CLEC17A: variants seen among roughly 807,000 people sequenced by gnomAD.
CLEC17A encodes the protein C-type lectin domain family 17, member A.
CLEC17A carries 37 observed loss-of-function variants against 61.3 expected under a neutral mutation model. The ratio of observed to expected loss-of-function variants is 0.60; its 90% CI spans 0.46 to 0.79. The LOEUF is 0.79. Ranked by LOEUF, CLEC17A falls within the 30% of genes least tolerant of loss-of-function variation. CLEC17A has a pLI of 0.00. For missense variants in CLEC17A, 418 were observed against 464.7 expected (o/e 0.90, Z 0.92); for synonymous variants, 168 against 164.9 (o/e 1.02, Z -0.14).
intron 10 of CLEC17A, among the ~76,000 whole-genome samples, chr19:14,599,495 A>G (rs1221190681): frequency 6.6e-6 from 1 of 151,904 alleles, no homozygotes; most frequent in Non-Finnish European, 1.5e-5. Flanking sequence ...GGTGCCCACC[A>G]CCCCTACTTT....
At chr19:14,595,465 G>A (rs1385497452) in intron 8 of CLEC17A, 150 bp downstream of exon 8, 2 of 787,388 alleles carry the variant, frequency 2.5e-6, no homozygotes, top group Admixed American at 5.1e-5. Context: ...AGTCTAGTGA[G>A]CGCTGCTCTA....
intron 2 of CLEC17A, among the ~76,000 whole-genome samples, chr19:14,587,029 C>T (rs1210100875): frequency 6.6e-6 from 1 of 151,708 alleles, no homozygotes; most frequent in Non-Finnish European, 1.5e-5. Context: ...GCTGGGATTA[C>T]AGGCAGGCAC....
chr19:14,583,009 G>T, upstream of CLEC17A: 1 of 705,422 alleles, frequency 1.4e-6, no homozygotes. Flanking sequence ...GCACGTGTGA[G>T]GTCTGAGGGC....
At chr19:14,596,788 C>G (rs1030319583) in intron 8 of CLEC17A, 88 bp from the exon 9 acceptor site, 1 of 1,459,568 alleles carries the variant, frequency 6.9e-7, no homozygotes, top group Non-Finnish European at 9.2e-7. Flanking sequence ...GACTTCTGCC[C>G]CCTGCTCTTG....
rs1218938646 is a variant in CLEC17A, at chr19:14,611,316, G to C, written c.*1120G>C. ...AATGTCTTGGGTGAGGTTTGCACAAGCTAAGTGGCAGAATCAGACTTTTGC... is the reference window on the plus strand; with the variant it reads ...AATGTCTTGGGTGAGGTTTGCACAACCTAAGTGGCAGAATCAGACTTTTGC... On this transcript the variant is annotated 3_prime_UTR_variant, in exon 14 of 14. Transcript: ENST00000417570. 6.7e-6 allele frequency among the ~76,000 whole-genome samples: 1 copy of C among 149,402 alleles called. No individual in the cohort carries two copies. The highest frequency in any genetic ancestry group is 2.5e-5 in the African/African-American group (1 of 40,598).
intron 3 of CLEC17A, among the ~76,000 whole-genome samples, chr19:14,591,180 A>T (rs2074405761): frequency 6.9e-6 from 1 of 145,406 alleles, no homozygotes; most frequent in Non-Finnish European, 1.5e-5. Context: ...TTTGAGACAG[A>T]GTTTTGCTCT....
At position 14,583,769 on chromosome 19, in the gene CLEC17A, G is replaced by C. The variant is rs188572745; in HGVS notation, c.121+335G>C. 5.4e-4 allele frequency among the ~76,000 whole-genome samples: 82 copies of C among 152,202 alleles called. 1 individual carries two copies. The Middle Eastern group carries it at 0.01, about 19-fold the overall frequency. ...AGAGAAGTCCAGGAGAGAACAGTTA[G>C]GTGCAAAGTCTCTGAGTTACAAAAG... is the stretch of plus-strand genomic sequence containing the variant. On this transcript the variant is annotated intron_variant, in intron 2 of 13. Coordinates refer to ENST00000417570, the MANE Select transcript of CLEC17A (RefSeq NM_001204118.2).
At chr19:14,598,724 G>C (rs1054882548) in intron 10 of CLEC17A, among the ~76,000 whole-genome samples, 1 of 152,042 alleles carries the variant, frequency 6.6e-6, no homozygotes, top group Admixed American at 6.6e-5. Context: ...ACCCATCTGC[G>C]TCAGCCTCCC....
At chr19:14,583,500 T>C in intron 2 of CLEC17A, 66 bp downstream of exon 2, 2 of 1,600,122 alleles carry the variant, frequency 1.2e-6, no homozygotes, top group Non-Finnish European at 1.7e-6. Context: ...TGGGCATTGG[T>C]TGGGCATTGT....
chr19:14,582,510 C>T (rs74467709), upstream of CLEC17A, among the ~76,000 whole-genome samples: 2 of 152,254 alleles, frequency 1.3e-5, no homozygotes, highest in East Asian at 3.9e-4. Flanking sequence ...CGATGCCTGG[C>T]CTGTAAAGCC....
At chr19:14,606,862 C>A in intron 12 of CLEC17A, 131 bp from the exon 13 acceptor site, 1 of 361,298 alleles carries the variant, frequency 2.8e-6, no homozygotes, top group Non-Finnish European at 5.0e-6. Context: ...TTCTGCATAC[C>A]ATGGGGACGG....
intron 13 of CLEC17A, among the ~76,000 whole-genome samples, chr19:14,607,674 G>A (rs1377087954): frequency 6.6e-6 from 1 of 151,586 alleles, no homozygotes; most frequent in East Asian, 1.9e-4. Context: ...CTCCCAGGTA[G>A]AGGTTGATTC....
chr19:14,608,037 A>AT (rs1379880057), intron 13 of CLEC17A, among the ~76,000 whole-genome samples: 4 of 151,008 alleles, frequency 2.6e-5, no homozygotes, highest in Non-Finnish European at 5.9e-5. Flanking sequence ...TGCCTGGCTA[A>AT]TTTTTTGTAT....
chr19:14,596,661 A>C (rs2074559011), intron 8 of CLEC17A, among the ~76,000 whole-genome samples: 1 of 152,084 alleles, frequency 6.6e-6, no homozygotes, highest in Non-Finnish European at 1.5e-5. Flanking sequence ...AAAGAGAAGG[A>C]TGCAACATGA....
At chr19:14,598,781 G>A (rs2074624932) in intron 10 of CLEC17A, among the ~76,000 whole-genome samples, 1 of 151,986 alleles carries the variant, frequency 6.6e-6, no homozygotes, top group African/African-American at 2.4e-5. Context: ...GGCCTAGCAA[G>A]ACCTTGTTTC....
rs1290604234 is a variant in CLEC17A at position 14,583,401 on chromosome 19, A to G, written c.88A>G (p.Thr30Ala). Residue 30 changes from threonine to alanine, a missense_variant, in exon 2 of 14, where the codon ACA becomes GCA. By Grantham distance (58) the Thr-to-Ala change is moderately conservative. Transcript: ENST00000417570. ...EEEDDDYENS[T>A]PPYKDLPPKP... ...GGAGGATGATGACTATGAGAACTCA[A>G]CACCTCCCTACAAGGACCTTCCTCC... The G allele has an allele frequency of 8.1e-6, 13 of 1,612,056 alleles. No individual in the cohort carries two copies. The highest frequency in any genetic ancestry group is 1.3e-5 in the African/African-American group (1 of 74,846).
At chr19:14,596,248 C>T (rs2074549312) in intron 8 of CLEC17A, among the ~76,000 whole-genome samples, 1 of 151,934 alleles carries the variant, frequency 6.6e-6, no homozygotes, top group Non-Finnish European at 1.5e-5. Context: ...CCAAGTCATG[C>T]CTAACCTCAC....
intron 3 of CLEC17A, 80 bp downstream of exon 3, chr19:14,587,771 C>A (rs2074320093): frequency 1.3e-6 from 2 of 1,586,312 alleles, no homozygotes; most frequent in Admixed American, 1.8e-5. Context: ...GCATTGTAGA[C>A]ACACAGTCAG....
At chr19:14,588,190 T>C (rs1159679970) in intron 3 of CLEC17A, among the ~76,000 whole-genome samples, 1 of 151,828 alleles carries the variant, frequency 6.6e-6, no homozygotes, top group Non-Finnish European at 1.5e-5. Flanking sequence ...TAAGTGGTTG[T>C]TAAAGTGGAG....
Sources: allele counts gnomAD v4.1 joint callset (sites outside exome capture counted in the v4.1 genomes callset), GRCh38; gene constraint gnomAD v4.1.1; transcripts MANE v1.5; gene names NCBI Gene and HGNC (gene_info 2026-07-23, HGNC 2026-07-21).